PRELID2: variants seen among roughly 807,000 people sequenced by gnomAD.
PRELID2 encodes the protein PRELI domain-containing protein 2.
Under a neutral mutation model 28.4 loss-of-function variants are expected in PRELID2, and 25 were observed. The observed-to-expected ratio is 0.88, with a 90% confidence interval of 0.64 to 1.23. PRELID2 has a LOEUF of 1.23. Among genes scored for constraint, PRELID2 ranks in the 50% most tolerant of loss-of-function variants. The pLI is 0.00. For missense variants in PRELID2, 201 were observed against 214.4 expected (o/e 0.94, Z 0.39); for synonymous variants, 76 against 71.6 (o/e 1.06, Z -0.31).
chr5:145,671,343 A>T (rs2149683221), intron 1 of PRELID2, among the ~76,000 whole-genome samples: 1 of 152,292 alleles, frequency 6.6e-6, no homozygotes, highest in East Asian at 1.9e-4. Flanking sequence ...GGTCCAATAG[A>T]GTACTGAAAT....
At chr5:145,446,348 A>G in the PRELID2 span, among the ~76,000 whole-genome samples, 27 of 152,222 alleles carry the variant, frequency 1.8e-4, no homozygotes, top group East Asian at 5.2e-3. Flanking sequence ...TATGTGAAAA[A>G]AAGTGACGGG....
At chr5:145,364,091 A>G in the PRELID2 span, among the ~76,000 whole-genome samples, 5 of 152,008 alleles carry the variant, frequency 3.3e-5, no homozygotes, top group East Asian at 9.6e-4. Context: ...CTATTGCTTC[A>G]TAAGAGCTAC....
chr5:145,693,871 A>G lies in PRELID2; in HGVS notation n.70+71060T>C, dbSNP rs551892611. Among the ~76,000 whole-genome samples the G allele has an allele frequency of 2.6e-5, 4 of 152,356 alleles. No homozygotes were observed. The South Asian group carries it at 6.2e-4, about 24-fold the overall frequency. On this transcript the variant is annotated intron_variant and non_coding_transcript_variant, in intron 1 of 2. Transcript: ENST00000510259. ...TACAAATGATGTTGGAGAAGAATAT[A>G]TAACAGTTGGGAAGATGGTCTTGAT...
the PRELID2 span, among the ~76,000 whole-genome samples, chr5:145,338,738 A>C: frequency 1.3e-5 from 2 of 152,176 alleles, no homozygotes; most frequent in Non-Finnish European, 2.9e-5. Flanking sequence ...CATAGTGAGA[A>C]TTATTCTCAA....
chr5:145,382,938 T>A, the PRELID2 span, among the ~76,000 whole-genome samples: 1 of 151,744 alleles, frequency 6.6e-6, no homozygotes, highest in Middle Eastern at 3.2e-3. Context: ...ATAACAATGA[T>A]CTATATTAAA....
At chr5:145,273,290 C>G in the PRELID2 span, among the ~76,000 whole-genome samples, 1 of 152,168 alleles carries the variant, frequency 6.6e-6, no homozygotes, top group African/African-American at 2.4e-5. Flanking sequence ...ATGTTCCTCT[C>G]TGGCTGGACT....
chr5:145,481,483 TTATG>T (rs1752158512), intron 1 of PRELID2, among the ~76,000 whole-genome samples: 1 of 151,444 alleles, frequency 6.6e-6, no homozygotes, highest in Non-Finnish European at 1.5e-5. Context: ...TTGATCTTGT[TTATG>T]TAGATAAAAT....
chr5:145,417,935 T>C, the PRELID2 span, among the ~76,000 whole-genome samples: 2 of 152,124 alleles, frequency 1.3e-5, no homozygotes, highest in African/African-American at 2.4e-5. Flanking sequence ...GGTATTCAAA[T>C]AGGAAGTGAG....
the PRELID2 span, among the ~76,000 whole-genome samples, chr5:145,453,047 G>C: frequency 2.6e-5 from 4 of 152,162 alleles, no homozygotes; most frequent in Non-Finnish European, 4.4e-5. Flanking sequence ...AAGCTCTGTA[G>C]GTGTGAACAT....
At chr5:145,642,714 A>G (rs1183254112) in intron 1 of PRELID2, among the ~76,000 whole-genome samples, 1 of 152,192 alleles carries the variant, frequency 6.6e-6, no homozygotes, top group African/African-American at 2.4e-5. Context: ...GAAGGGGTCC[A>G]GTTTCAGTTT....
At chr5:145,791,135 T>C (rs926282615) in intron 5 of PRELID2, among the ~76,000 whole-genome samples, 8 of 152,048 alleles carry the variant, frequency 5.3e-5, no homozygotes, top group Admixed American at 2.0e-4. Context: ...CTCACAATCA[T>C]GGCAGAAGGC....
the PRELID2 span, among the ~76,000 whole-genome samples, chr5:145,245,204 A>G: frequency 6.6e-6 from 1 of 152,116 alleles, no homozygotes; most frequent in African/African-American, 2.4e-5. Context: ...ATAGATTTAG[A>G]TTCAATGCCA....
the PRELID2 span, among the ~76,000 whole-genome samples, chr5:145,236,460 C>T: frequency 6.6e-6 from 1 of 152,088 alleles, no homozygotes; most frequent in Non-Finnish European, 1.5e-5. Flanking sequence ...AAGGGCTGCC[C>T]CCACAGATCA....
the PRELID2 span, among the ~76,000 whole-genome samples, chr5:145,251,970 C>T: frequency 4.6e-5 from 7 of 152,146 alleles, no homozygotes; most frequent in Non-Finnish European, 1.0e-4. Context: ...AACCCAGAAG[C>T]TCCTTCCTTT....
intron 1 of PRELID2, among the ~76,000 whole-genome samples, chr5:145,580,123 C>A (rs555054320): frequency 1.2e-4 from 19 of 152,208 alleles, no homozygotes; most frequent in African/African-American, 4.6e-4. Flanking sequence ...CAGACCAACA[C>A]TGTAACAATC....
At chr5:145,738,840 T>C (rs934779300) in intron 1 of PRELID2, among the ~76,000 whole-genome samples, 1 of 152,022 alleles carries the variant, frequency 6.6e-6, no homozygotes, top group African/African-American at 2.4e-5. Context: ...AGAAGATGAG[T>C]GTTTCTAAAC....
chr5:145,731,818 G>A (rs1479447444), intron 1 of PRELID2, among the ~76,000 whole-genome samples: 1 of 152,158 alleles, frequency 6.6e-6, no homozygotes, highest in Non-Finnish European at 1.5e-5. Flanking sequence ...CCTGATTCCA[G>A]GGGGAAATCT....
chr5:145,259,670 T>C, the PRELID2 span, among the ~76,000 whole-genome samples: 1 of 152,206 alleles, frequency 6.6e-6, no homozygotes, highest in Admixed American at 6.5e-5. Flanking sequence ...TGTATCTTGG[T>C]AGTAACTAAC....
rs1757305575 is a variant in PRELID2 at position 145,757,838 on chromosome 5, A to G, written c.*2698T>C. On this transcript the variant is annotated 3_prime_UTR_variant, in exon 7 of 7. Transcript: ENST00000683046. ...AATGAAAAAAAAAAAAAAAAAGACC[A>G]TAAAATTTCTAAGCCATATATGTGA... 6.6e-6 allele frequency among the ~76,000 whole-genome samples: 1 copy of G among 151,320 alleles called. No individual in the cohort carries two copies. Among genetic ancestry groups the G allele is most frequent in the Non-Finnish European group, 1.5e-5 (1 of 67,848 alleles).
Sources: gnomAD v4.1 joint callset for allele counts (sites outside exome capture counted in the v4.1 genomes callset) on GRCh38, gnomAD v4.1.1 for gene constraint, MANE v1.5 for transcripts, NCBI Gene and HGNC (gene_info 2026-07-23, HGNC 2026-07-21) for gene names.